The following WNT2 variants were observed in gnomAD, a reference collection of about 807,000 sequenced individuals.
The protein encoded by WNT2 is Wnt family member 2, also known as protein Wnt-2.
In WNT2, 12 loss-of-function variants were observed where a neutral mutation model predicts 36.9. The observed-to-expected ratio is 0.33, with a 90% CI of 0.21 to 0.53. The LOEUF is 0.53. Ranked by LOEUF, WNT2 falls within the 20% of genes least tolerant of loss-of-function variation. The pLI is 0.95. For synonymous variants in WNT2, 163 were observed against 174.6 expected (o/e 0.93, Z 0.52); for missense variants, 379 against 473.1 (o/e 0.80, Z 1.84).
At chr7:117,315,389 C>A (rs748505834) in intron 2 of WNT2, 41 bp from the exon 3 acceptor site, 13 of 1,571,660 alleles carry the variant, frequency 8.3e-6, no homozygotes, top group African/African-American at 1.4e-5. Flanking sequence ...TCCGGTAGCA[C>A]TATTTCTGAA....
intron 3 of WNT2, among the ~76,000 whole-genome samples, chr7:117,308,469 C>A (rs1795057896): frequency 6.6e-6 from 1 of 152,186 alleles, no homozygotes; most frequent in Non-Finnish European, 1.5e-5. Context: ...AAGAGTTATT[C>A]CCTGTCTTGG....
rs768035585 is a variant in WNT2, at chr7:117,315,167, C to T, written c.492G>A (p.Gly164=). The part of the protein sequence containing the change: ...WGGCSDNIDY[G]IKFARAFVDA... ...CCACAAATGCGCGGGCAAATTTGAT[C>T]CCATAGTCAATGTTATCACTGCAGC... is the stretch of plus-strand genomic sequence containing the variant. Residue 164 remains glycine, a synonymous_variant, in exon 3 of 5, where the codon GGG becomes GGA. Transcript: ENST00000265441. 10 of 1,614,056 alleles carry T rather than the reference C, an allele frequency of 6.2e-6. No homozygotes were observed. The African/African-American group carries it at 1.1e-4, about 17-fold the overall frequency.
intron 3 of WNT2, 65 bp downstream of exon 3, chr7:117,315,006 A>G (rs1468395072): frequency 6.4e-7 from 1 of 1,564,344 alleles, no homozygotes; most frequent in Non-Finnish European, 8.6e-7. Context: ...GTTTAAGATA[A>G]GCTCTGCCTA....
chr7:117,316,445 T>C (rs972052415), intron 2 of WNT2, among the ~76,000 whole-genome samples: 5 of 152,184 alleles, frequency 3.3e-5, no homozygotes, highest in African/African-American at 1.2e-4. Flanking sequence ...AGAAGCTGGA[T>C]AACCTAATGC....
intron 4 of WNT2, among the ~76,000 whole-genome samples, chr7:117,282,256 A>G (rs1181638645): frequency 2.0e-5 from 3 of 152,112 alleles, no homozygotes; most frequent in African/African-American, 7.2e-5. Context: ...GGGTGTGTCC[A>G]TTTGTGAAAA....
chr7:117,281,137 C>T (rs1468650905), intron 4 of WNT2, among the ~76,000 whole-genome samples: 1 of 152,138 alleles, frequency 6.6e-6, no homozygotes, highest in African/African-American at 2.4e-5. Flanking sequence ...GGCAGAAATT[C>T]TGAGGGCAAG....
rs368671458 is a variant in WNT2, at chr7:117,304,316, T to TC, written c.589-6441dup. On this transcript the variant is annotated intron_variant, in intron 3 of 4. Coordinates refer to ENST00000265441, the MANE Select transcript of WNT2 (RefSeq NM_003391.3). Reference sequence around the variant, plus strand: ...TATTTTCACTTTACTTTGTATTTTTTCCCCTATGAAAGCTCCCAGAATCAT... The same window carrying TC: ...TATTTTCACTTTACTTTGTATTTTTTCCCCCTATGAAAGCTCCCAGAATCAT... Among the ~76,000 whole-genome samples the TC allele has an allele frequency of 1.8e-3, 272 of 152,322 alleles. 1 individual carries two copies. Among genetic ancestry groups the TC allele is most frequent in the African/African-American group, 6.3e-3 (263 of 41,568 alleles).
Position 117,276,911 on chromosome 7 carries a change from T to C in WNT2, c.*1244A>G, listed in dbSNP as rs1416599893. 6.6e-6 allele frequency: 1 copy of C among 152,244 alleles called. No individual in the cohort carries two copies. The highest frequency in any genetic ancestry group is 2.4e-5 in the African/African-American group (1 of 41,470). The allele number at this position is 152,244 out of a possible 1,614,324, so 9.4% of individuals were successfully genotyped here. On this transcript the variant is annotated 3_prime_UTR_variant, in exon 5 of 5. Transcript: ENST00000265441. ...AAGTTACGATTTGTTTGCAATATAA[T>C]ATAGCAGGGTTACCAACTTTATAAG...
intron 4 of WNT2, among the ~76,000 whole-genome samples, chr7:117,286,434 T>A (rs1317139431): frequency 6.6e-6 from 1 of 151,372 alleles, no homozygotes; most frequent in Non-Finnish European, 1.5e-5. Flanking sequence ...CGCCCTTCTC[T>A]CCCTATTCTC....
chr7:117,315,043 C>T (rs771902752), intron 3 of WNT2, 28 bp downstream of exon 3: 2 of 1,609,738 alleles, frequency 1.2e-6, no homozygotes, highest in Non-Finnish European at 8.5e-7. Context: ...ATGCAGCCTA[C>T]AAAATGAGCA....
In WNT2 at chr7:117,275,883, G is replaced by A. The variant is rs940578481; in HGVS notation, c.*2272C>T. Among the ~76,000 whole-genome samples, 6 of 152,158 alleles carry A rather than the reference G, an allele frequency of 3.9e-5. No individual in the cohort carries two copies. The highest frequency in any genetic ancestry group is 1.2e-4 in the African/African-American group (5 of 41,418). ...TAGGACAATTTATGTAGGTTCCTAC[G>A]TGGATATCCTTGTCCCCTTGCTACT... On this transcript the variant is annotated 3_prime_UTR_variant, in exon 5 of 5. Coordinates refer to ENST00000265441, the MANE Select transcript of WNT2 (RefSeq NM_003391.3).
intron 2 of WNT2, among the ~76,000 whole-genome samples, chr7:117,320,009 A>G (rs969416486): frequency 4.6e-5 from 7 of 152,202 alleles, no homozygotes; most frequent in African/African-American, 1.2e-4. Flanking sequence ...AGAATTTACA[A>G]TCTGTTGGGA....
intron 4 of WNT2, among the ~76,000 whole-genome samples, chr7:117,280,562 T>C (rs1442264625): frequency 6.6e-6 from 1 of 152,200 alleles, no homozygotes; most frequent in Non-Finnish European, 1.5e-5. Context: ...AGTACAGTCA[T>C]GTGCAAAGCA....
intron 4 of WNT2, among the ~76,000 whole-genome samples, chr7:117,289,331 TA>T (rs968304268): frequency 5.1e-4 from 77 of 152,136 alleles, no homozygotes; most frequent in African/African-American, 1.8e-3. Context: ...GTGCTAGTAT[TA>T]CAGGCGTGAG....
chr7:117,311,642 T>C (rs1795124476), intron 3 of WNT2, among the ~76,000 whole-genome samples: 1 of 152,238 alleles, frequency 6.6e-6, no homozygotes, highest in Non-Finnish European at 1.5e-5. Context: ...GATGACTCTA[T>C]AGATAGATGG....
At position 117,278,197 on chromosome 7, in the gene WNT2, T is replaced by A; in HGVS notation, c.1041A>T (p.Thr347=). Residue 347 remains threonine (T), a synonymous_variant, in exon 5 of 5, where the codon ACA becomes ACT. Transcript: ENST00000265441. ...QDCLEALDVH[T]CKAPKNADWT... ...AGTCAGCGTTCTTGGGGGCCTTGCA[T>A]GTGTGCACATCCAGAGCTTCCAGGC... The A allele has an allele frequency of 1.2e-6, 2 of 1,614,234 alleles. No homozygotes were observed. Among genetic ancestry groups the A allele is most frequent in the Non-Finnish European group, 1.7e-6 (2 of 1,180,026 alleles).
intron 3 of WNT2, among the ~76,000 whole-genome samples, chr7:117,313,783 G>A (rs1227350001): frequency 6.6e-6 from 1 of 152,146 alleles, no homozygotes; most frequent in Non-Finnish European, 1.5e-5. Context: ...AATAGTTGTA[G>A]GATTGCACAA....
At chr7:117,297,459 C>T (rs1200417532) in intron 4 of WNT2, among the ~76,000 whole-genome samples, 153 bp downstream of exon 4, 3 of 152,114 alleles carry the variant, frequency 2.0e-5, no homozygotes, top group South Asian at 2.1e-4. Context: ...CATGAGCCAC[C>T]GCGCCCAGCC....
intron 3 of WNT2, among the ~76,000 whole-genome samples, chr7:117,301,918 C>T (rs1480990067): frequency 6.6e-6 from 1 of 151,304 alleles, no homozygotes; most frequent in African/African-American, 2.4e-5. Context: ...AGCGATTCTC[C>T]TGCCTCAGCC....
Sources: allele counts gnomAD v4.1 joint callset (sites outside exome capture counted in the v4.1 genomes callset), GRCh38; gene constraint gnomAD v4.1.1; transcripts MANE v1.5; gene names NCBI Gene and HGNC (gene_info 2026-07-23, HGNC 2026-07-21).